Variants in STK3 observed in about 807,000 individuals in gnomAD.
STK3 encodes serine/threonine kinase 3.
Under a neutral mutation model 58.0 loss-of-function variants are expected in STK3, and 41 were observed. That is an observed-to-expected ratio of 0.71 (90% CI 0.55 to 0.92). The LOEUF (loss-of-function observed/expected upper bound fraction) is 0.92. Ranked by LOEUF, STK3 falls within the 40% of genes least tolerant of loss-of-function variation. The pLI, the probability that STK3 is intolerant of heterozygous loss-of-function variation, is 0.00. For synonymous variants in STK3, 170 were observed against 191.0 expected (o/e 0.89, Z 0.91); for missense variants, 479 against 602.7 (o/e 0.79, Z 2.15).
At chr8:98,746,254 C>T (rs888865769) in intron 4 of STK3, among the ~76,000 whole-genome samples, 5 of 152,130 alleles carry the variant, frequency 3.3e-5, no homozygotes, top group South Asian at 2.1e-4. Flanking sequence ...ACCTCTATCA[C>T]GTTTTACGCA....
intron 1 of STK3, among the ~76,000 whole-genome samples, chr8:98,908,105 G>T (rs977483067): frequency 2.6e-5 from 4 of 152,108 alleles, no homozygotes; most frequent in African/African-American, 9.7e-5. Context: ...CTAATTGGTT[G>T]GTTGTTTTTC....
At chr8:98,617,027 C>T (rs1817794287) in intron 6 of STK3, among the ~76,000 whole-genome samples, 1 of 151,864 alleles carries the variant, frequency 6.6e-6, no homozygotes, top group Non-Finnish European at 1.5e-5. Flanking sequence ...CAGCACCACA[C>T]CACACCTATT....
At chr8:98,678,080 G>A (rs527891169) in intron 6 of STK3, among the ~76,000 whole-genome samples, 3 of 152,266 alleles carry the variant, frequency 2.0e-5, no homozygotes, top group African/African-American at 7.2e-5. Flanking sequence ...ATAGAAGGAA[G>A]TATCTAACAA....
intron 1 of STK3, among the ~76,000 whole-genome samples, chr8:98,920,112 G>A (rs1418335946): frequency 2.0e-5 from 3 of 152,204 alleles, no homozygotes; most frequent in Non-Finnish European, 4.4e-5. Flanking sequence ...AGGTTACAAC[G>A]TGGTTTAAAT....
chr8:98,369,444 C>T (rs974243547), downstream of STK3, among the ~76,000 whole-genome samples: 11 of 151,772 alleles, frequency 7.2e-5, no homozygotes, highest in Admixed American at 5.3e-4. Flanking sequence ...ATTTTTAATA[C>T]GGGGGTTCAG....
intron 8 of STK3, among the ~76,000 whole-genome samples, chr8:98,552,136 A>G (rs1187686490): frequency 1.3e-5 from 2 of 152,142 alleles, no homozygotes; most frequent in African/African-American, 4.8e-5. Context: ...TTAAAAGCTT[A>G]TATCACCACC....
chr8:98,940,198 C>T (rs527719359), intron 1 of STK3, among the ~76,000 whole-genome samples: 144 of 152,260 alleles, frequency 9.5e-4, no homozygotes, highest in African/African-American at 2.8e-3. Flanking sequence ...GTGCAGGAGC[C>T]GGTGCGCCCT....
At chr8:98,726,305 T>A (rs1240124216) in intron 4 of STK3, among the ~76,000 whole-genome samples, 1 of 152,192 alleles carries the variant, frequency 6.6e-6, no homozygotes, top group Admixed American at 6.5e-5. Flanking sequence ...AGGGATAGTC[T>A]ATGTAGGGGA....
intron 1 of STK3, among the ~76,000 whole-genome samples, chr8:98,803,466 C>T (rs560978626): frequency 3.4e-4 from 51 of 151,612 alleles, no homozygotes; most frequent in African/African-American, 1.2e-3. Context: ...TGGTAGGGGA[C>T]GCCTGTAGTC....
At chr8:98,925,229 G>T (rs568063198) in intron 1 of STK3, among the ~76,000 whole-genome samples, 4 of 152,290 alleles carry the variant, frequency 2.6e-5, no homozygotes, top group East Asian at 1.9e-4. Flanking sequence ...AGAAATTTTT[G>T]ATCTTTCTGT....
intron 6 of STK3, among the ~76,000 whole-genome samples, chr8:98,698,694 C>T (rs1295315305): frequency 6.6e-6 from 1 of 152,192 alleles, no homozygotes; most frequent in Non-Finnish European, 1.5e-5. Flanking sequence ...TATTGGCCCC[C>T]ACTGTCTTCT....
chr8:98,885,324 G>C (rs1837943174), intron 1 of STK3, among the ~76,000 whole-genome samples: 2 of 152,210 alleles, frequency 1.3e-5, no homozygotes, highest in Admixed American at 1.3e-4. Context: ...CCAATGACTA[G>C]CCATATGGAA....
At chr8:98,634,403 G>A (rs1819483083) in intron 6 of STK3, among the ~76,000 whole-genome samples, 1 of 152,112 alleles carries the variant, frequency 6.6e-6, no homozygotes, top group Middle Eastern at 3.2e-3. Context: ...GGGAGGCTGA[G>A]GTGGGAGGAT....
At chr8:98,364,128 C>T in the STK3 span, among the ~76,000 whole-genome samples, 1 of 152,292 alleles carries the variant, frequency 6.6e-6, no homozygotes, top group Admixed American at 6.5e-5. Flanking sequence ...CTGGAGGCAT[C>T]TCCAGACAGC....
At chr8:98,726,950 A>G (rs1160865268) in intron 4 of STK3, among the ~76,000 whole-genome samples, 1 of 152,100 alleles carries the variant, frequency 6.6e-6, no homozygotes, top group Non-Finnish European at 1.5e-5. Context: ...TTTTTAAATT[A>G]TTGTCCTTTA....
intron 1 of STK3, among the ~76,000 whole-genome samples, chr8:98,926,025 C>T (rs1241877292): frequency 6.6e-6 from 1 of 151,966 alleles, no homozygotes; most frequent in African/African-American, 2.4e-5. Flanking sequence ...CAAAGAGGGG[C>T]CGGGGGAGAA....
intron 3 of STK3, among the ~76,000 whole-genome samples, chr8:98,422,480 C>A (rs970967399): frequency 1.8e-4 from 27 of 152,182 alleles, no homozygotes; most frequent in Non-Finnish European, 3.5e-4. Flanking sequence ...CCTTGTCCTC[C>A]GTCCCCATTT....
chr8:98,407,465 G>A (rs542965514), intron 3 of STK3, among the ~76,000 whole-genome samples: 1 of 152,376 alleles, frequency 6.6e-6, no homozygotes, highest in Middle Eastern at 3.4e-3. Flanking sequence ...CAAACGCCAT[G>A]CGTAAGTCAG....
intron 10 of STK3, among the ~76,000 whole-genome samples, chr8:98,481,812 A>G (rs1047889224): frequency 2.0e-5 from 3 of 151,996 alleles, no homozygotes; most frequent in Non-Finnish European, 4.4e-5. Context: ...ATCTGGAAAA[A>G]CTGTTGACTG....
Sources: allele counts gnomAD v4.1 joint callset (sites outside exome capture counted in the v4.1 genomes callset), GRCh38; gene constraint gnomAD v4.1.1; transcripts MANE v1.5; gene names NCBI Gene and HGNC (gene_info 2026-07-23, HGNC 2026-07-21).